WWP1: variants seen among roughly 807,000 people sequenced by gnomAD.
WWP1 encodes NEDD4-like E3 ubiquitin-protein ligase WWP1.
In WWP1, 49 loss-of-function variants were observed where a neutral mutation model predicts 130.6. The ratio of observed to expected loss-of-function variants is 0.38; its 90% confidence interval spans 0.30 to 0.48. WWP1 has a LOEUF of 0.48. Ranked by LOEUF, WWP1 falls within the 20% of genes least tolerant of loss-of-function variation. The pLI, the probability that WWP1 is intolerant of heterozygous loss-of-function variation, is 0.99. For missense variants in WWP1, 809 were observed against 1,100.6 expected, an observed-to-expected ratio of 0.74 and a Z score of 3.75; for synonymous variants, 332 against 367.8, an observed-to-expected ratio of 0.90 and a Z score of 1.11.
At chr8:86,442,560 A>T in intron 17 of WWP1, 59 bp from the exon 18 acceptor site, 2 of 1,440,948 alleles carry the variant, frequency 1.4e-6, no homozygotes, top group South Asian at 1.3e-5. Flanking sequence ...TATATTTAAG[A>T]TCTGTTTTTA....
intron 3 of WWP1, among the ~76,000 whole-genome samples, chr8:86,376,112 C>T (rs1372141689): frequency 6.6e-6 from 1 of 152,162 alleles, no homozygotes; most frequent in Non-Finnish European, 1.5e-5. Context: ...ACTGAAGAAC[C>T]ACTTACATAA....
chr8:86,391,795 G>A (rs557883868), intron 5 of WWP1, among the ~76,000 whole-genome samples: 53 of 152,230 alleles, frequency 3.5e-4, no homozygotes, highest in African/African-American at 1.2e-3. Context: ...TAGCTGGCAA[G>A]TAACGAAGTC....
intron 1 of WWP1, among the ~76,000 whole-genome samples, chr8:86,344,415 C>G (rs1398629998): frequency 1.3e-5 from 2 of 152,196 alleles, no homozygotes; most frequent in Admixed American, 6.5e-5. Flanking sequence ...CCCACGGTGG[C>G]TGAAATTTCC....
intron 21 of WWP1, among the ~76,000 whole-genome samples, chr8:86,456,369 A>T (rs985407307): frequency 1.3e-5 from 2 of 152,084 alleles, no homozygotes; most frequent in Admixed American, 1.3e-4. Flanking sequence ...TTATATCTGG[A>T]ATATATTAAC....
chr8:86,462,767 CT>C (rs1811835331), intron 24 of WWP1, among the ~76,000 whole-genome samples: 1 of 151,926 alleles, frequency 6.6e-6, no homozygotes, highest in Admixed American at 6.6e-5. Flanking sequence ...GAAATTTCTG[CT>C]TGTGGTGCAA....
chr8:86,422,901 C>A (rs1015640618), intron 9 of WWP1, among the ~76,000 whole-genome samples: 5 of 152,076 alleles, frequency 3.3e-5, no homozygotes, highest in Admixed American at 1.3e-4. Context: ...ACTGTGCACA[C>A]AGATGAAAGA....
At chr8:86,445,326 A>G (rs1056009007) in intron 18 of WWP1, among the ~76,000 whole-genome samples, 21 of 152,034 alleles carry the variant, frequency 1.4e-4, no homozygotes, top group African/African-American at 4.1e-4. Context: ...TAGTTTTTCA[A>G]CCCTTGCCTT....
intron 22 of WWP1, among the ~76,000 whole-genome samples, chr8:86,459,023 C>CTTTTTTTTTTTTTTTTT (rs71275853): frequency 3.0e-4 from 25 of 84,246 alleles, no homozygotes; most frequent in Admixed American, 6.9e-4. Flanking sequence ...TTTCTTTTTT[C>CTTTTTTTTTTTTTTTTT]TTTTTTTTTT....
intron 1 of WWP1, among the ~76,000 whole-genome samples, chr8:86,363,440 A>G (rs1388655642): frequency 6.6e-6 from 1 of 151,988 alleles, no homozygotes; most frequent in African/African-American, 2.4e-5. Context: ...CTAGTGCAGG[A>G]GCTTAGTCCA....
At chr8:86,391,802 A>G (rs960140339) in intron 5 of WWP1, among the ~76,000 whole-genome samples, 20 of 152,118 alleles carry the variant, frequency 1.3e-4, no homozygotes, top group African/African-American at 4.1e-4. Context: ...CAAGTAACGA[A>G]GTCAGGATTC....
At chr8:86,423,592 A>C (rs1264702727) in intron 9 of WWP1, among the ~76,000 whole-genome samples, 1 of 152,202 alleles carries the variant, frequency 6.6e-6, no homozygotes, top group African/African-American at 2.4e-5. Context: ...TTCTTAGTAC[A>C]GAACAAAATG....
intron 5 of WWP1, among the ~76,000 whole-genome samples, chr8:86,396,565 ATT>A (rs57138089): frequency 2.1e-4 from 30 of 139,678 alleles, no homozygotes; most frequent in Non-Finnish European, 2.8e-4. Context: ...TGGTTTAAAC[ATT>A]TTTTTTTTTT....
rs1288070893 is a variant in WWP1, at chr8:86,380,245, G to A, written c.71-481G>A. ...ATGTAATGCTGAGTGAAAGAAGCCA[G>A]TCACAAAAAAAACCCACATTATATG... On this transcript the variant is annotated intron_variant, in intron 3 of 24. Transcript: ENST00000517970. Among the ~76,000 whole-genome samples the A allele has an allele frequency of 5.9e-5, 9 of 152,138 alleles. No homozygotes were observed. The South Asian group carries it at 1.9e-3, about 32-fold the overall frequency.
intron 21 of WWP1, among the ~76,000 whole-genome samples, 183 bp from the exon 22 acceptor site, chr8:86,457,738 A>C (rs1811537139): frequency 6.6e-6 from 1 of 152,212 alleles, no homozygotes; most frequent in African/African-American, 2.4e-5. Context: ...ATAAAGTACC[A>C]GAGAATCCTT....
intron 17 of WWP1, chr8:86,440,719 G>T (rs753575982): frequency 2.2e-6 from 1 of 454,668 alleles, no homozygotes; most frequent in South Asian, 1.6e-5. Flanking sequence ...TTTTCTTCAG[G>T]AACATCAGTC....
intron 1 of WWP1, 36 bp downstream of exon 1, chr8:86,342,966 T>TG: frequency 8.5e-6 from 1 of 118,020 alleles, no homozygotes; most frequent in African/African-American, 3.7e-5. Flanking sequence ...GGGGTGCGAA[T>TG]GGGCAGGGCG....
At chr8:86,438,091 C>T (rs368078196) in intron 16 of WWP1, among the ~76,000 whole-genome samples, 2 of 152,214 alleles carry the variant, frequency 1.3e-5, no homozygotes, top group East Asian at 1.9e-4. Context: ...TGAGGCACCA[C>T]ACCCGGCCTG....
chr8:86,400,224 C>G (rs938438827), intron 7 of WWP1, among the ~76,000 whole-genome samples: 24 of 151,894 alleles, frequency 1.6e-4, no homozygotes, highest in African/African-American at 4.8e-4. Context: ...CCCAGCTACT[C>G]AGGAGTCTGA....
In WWP1 at chr8:86,381,629, TG is replaced by T; in HGVS notation, c.334+1del. The T allele has an allele frequency of 6.3e-7, 1 of 1,578,630 alleles. No individual in the cohort carries two copies. The highest frequency in any genetic ancestry group is 8.6e-7 in the Non-Finnish European group (1 of 1,169,426). On this transcript the variant is annotated splice_donor_variant, in intron 5 of 24. Coordinates refer to ENST00000517970, the MANE Select transcript of WWP1 (RefSeq NM_007013.4). LOFTEE classifies it high-confidence loss of function. ...AGCTCTGTTGATACACAATAGAAAA[TG>T]TAAGTTTTTTGTTCTGACCTTTATT...
Sources: gnomAD v4.1 joint callset for allele counts (sites outside exome capture counted in the v4.1 genomes callset) on GRCh38, gnomAD v4.1.1 for gene constraint, MANE v1.5 for transcripts, NCBI Gene and HGNC (gene_info 2026-07-23, HGNC 2026-07-21) for gene names.